The following RNLS variants were observed in gnomAD, a reference collection of about 807,000 sequenced individuals.
RNLS encodes renalase, FAD dependent amine oxidase.
A neutral mutation model predicts 39.8 loss-of-function variants in RNLS; 39 were observed. The ratio of observed to expected loss-of-function variants is 0.98; its 90% CI spans 0.76 to 1.28. The LOEUF is 1.28. Among genes scored for constraint, RNLS ranks in the 50% most tolerant of loss-of-function variants. The pLI is 0.00. For synonymous variants in RNLS, 147 were observed against 150.7 expected (o/e 0.98, Z 0.18); for missense variants, 410 against 413.3 (o/e 0.99, Z 0.07).
At chr10:88,543,625 A>T (rs1848154953) in intron 4 of RNLS, among the ~76,000 whole-genome samples, 1 of 152,150 alleles carries the variant, frequency 6.6e-6, no homozygotes. Context: ...ATTTAACAGA[A>T]ACAATCCATT....
At chr10:88,444,387 A>T (rs1841918348) in intron 4 of RNLS, among the ~76,000 whole-genome samples, 1 of 152,210 alleles carries the variant, frequency 6.6e-6, no homozygotes, top group South Asian at 2.1e-4. Flanking sequence ...AGAGCAGAAA[A>T]GCTGAAAATT....
At chr10:88,577,192 G>A (rs1850259445) in intron 3 of RNLS, among the ~76,000 whole-genome samples, 2 of 152,234 alleles carry the variant, frequency 1.3e-5, no homozygotes, top group South Asian at 2.1e-4. Context: ...AGGGAAACTA[G>A]GGGCACAGGG....
chr10:88,208,187 C>T, the RNLS span, among the ~76,000 whole-genome samples: 1 of 152,106 alleles, frequency 6.6e-6, no homozygotes, highest in Non-Finnish European at 1.5e-5. Flanking sequence ...GTTTCTCCTT[C>T]CATCTTCAGG....
chr10:88,582,905 T>A (rs1850710837), intron 1 of RNLS, among the ~76,000 whole-genome samples, 168 bp downstream of exon 1: 1 of 152,078 alleles, frequency 6.6e-6, no homozygotes, highest in African/African-American at 2.4e-5. Flanking sequence ...AAGTCCCCGA[T>A]CACGTGACGA....
At chr10:88,573,529 T>G (rs1342304579) in intron 3 of RNLS, among the ~76,000 whole-genome samples, 1 of 152,192 alleles carries the variant, frequency 6.6e-6, no homozygotes, top group Non-Finnish European at 1.5e-5. Flanking sequence ...AAGAGCAATA[T>G]TCTCTATTAA....
At chr10:88,570,794 G>A (rs182431612) in intron 4 of RNLS, among the ~76,000 whole-genome samples, 1 of 152,210 alleles carries the variant, frequency 6.6e-6, no homozygotes, top group Admixed American at 6.5e-5. Flanking sequence ...TTGTTCCACG[G>A]GGTTGGGGAA....
the RNLS span, among the ~76,000 whole-genome samples, chr10:88,217,989 G>A: frequency 3.3e-5 from 5 of 152,072 alleles, no homozygotes; most frequent in East Asian, 1.9e-4. Context: ...GCAGTGAGCC[G>A]AGATCACGCC....
At chr10:88,412,530 A>T (rs949464372) in intron 4 of RNLS, among the ~76,000 whole-genome samples, 3 of 152,164 alleles carry the variant, frequency 2.0e-5, no homozygotes, top group African/African-American at 7.2e-5. Context: ...TGGAGTTTTA[A>T]TAAAGTTAGA....
chr10:88,524,949 GCACACACATA>G (rs1846997465), intron 4 of RNLS, among the ~76,000 whole-genome samples: 1 of 49,660 alleles, frequency 2.0e-5, no homozygotes, highest in Non-Finnish European at 3.7e-5. Flanking sequence ...TATATATATG[GCACACACATA>G]CATATATATA....
chr10:88,195,640 C>G, the RNLS span, among the ~76,000 whole-genome samples: 2 of 152,180 alleles, frequency 1.3e-5, no homozygotes, highest in Non-Finnish European at 2.9e-5. Flanking sequence ...CCAGATGCCA[C>G]ACAGACCCCA....
At chr10:88,266,264 T>A in the RNLS span, among the ~76,000 whole-genome samples, 2 of 152,158 alleles carry the variant, frequency 1.3e-5, no homozygotes, top group Non-Finnish European at 2.9e-5. Context: ...AGAAGATGAA[T>A]GCTGGATTTA....
At position 88,411,876 on chromosome 10, in the gene RNLS, T is replaced by C. The variant is rs545912562; in HGVS notation, c.527-49151A>G. Among the ~76,000 whole-genome samples, 32 of 137,084 alleles carry C rather than the reference T, an allele frequency of 2.3e-4. No individual in the cohort carries two copies. In the South Asian group the frequency reaches 6.6e-3, roughly 28 times the overall value. The allele number at this position is 137,084 out of a possible 152,430, so 89.9% of individuals were successfully genotyped here. Reference sequence around the variant, plus strand: ...AAGAGTGTTCCAAGTAGAACATGAGTCACATGCGATGACATGGAGCTGTGT... The same window carrying C: ...AAGAGTGTTCCAAGTAGAACATGAGCCACATGCGATGACATGGAGCTGTGT... On this transcript the variant is annotated intron_variant, in intron 4 of 6. Coordinates refer to ENST00000331772, the MANE Select transcript of RNLS (RefSeq NM_001031709.3).
At chr10:88,483,761 A>G (rs1481018898) in intron 4 of RNLS, among the ~76,000 whole-genome samples, 1 of 152,048 alleles carries the variant, frequency 6.6e-6, no homozygotes, top group Non-Finnish European at 1.5e-5. Context: ...CTCATACCAC[A>G]TATTTTGTAT....
chr10:88,391,207 T>C (rs986333885), intron 4 of RNLS, among the ~76,000 whole-genome samples: 1 of 152,208 alleles, frequency 6.6e-6, no homozygotes, highest in South Asian at 2.1e-4. Context: ...ATTATTATTA[T>C]GATATTCCTT....
intron 6 of RNLS, among the ~76,000 whole-genome samples, chr10:88,295,189 A>G (rs572021221): frequency 2.6e-5 from 4 of 152,212 alleles, no homozygotes; most frequent in African/African-American, 9.6e-5. Context: ...CATACACTGA[A>G]TCTTATTACA....
the RNLS span, among the ~76,000 whole-genome samples, chr10:88,197,568 T>C: frequency 1.3e-5 from 2 of 152,218 alleles, no homozygotes; most frequent in Non-Finnish European, 2.9e-5. Flanking sequence ...TCTAACTAGA[T>C]TCAAACACTA....
intron 4 of RNLS, among the ~76,000 whole-genome samples, chr10:88,471,758 T>C (rs1843541604): frequency 6.6e-6 from 1 of 152,078 alleles, no homozygotes; most frequent in Admixed American, 6.6e-5. Flanking sequence ...GTTTTTGTGG[T>C]CCCCTCCCCA....
intron 5 of RNLS, among the ~76,000 whole-genome samples, chr10:88,334,511 T>C (rs1182305886): frequency 6.6e-6 from 1 of 152,152 alleles, no homozygotes; most frequent in Non-Finnish European, 1.5e-5. Context: ...CTCACTTCAT[T>C]TGAAAGGATT....
chr10:88,422,144 AAAACAGTTACTT>A (rs1282870041), intron 4 of RNLS, among the ~76,000 whole-genome samples: 4 of 152,204 alleles, frequency 2.6e-5, no homozygotes, highest in Admixed American at 2.6e-4. Context: ...TGCTCTGTTT[AAAACAGTTACTT>A]AAACATTAAA....
Sources: gnomAD v4.1 joint callset for allele counts (sites outside exome capture counted in the v4.1 genomes callset) on GRCh38, gnomAD v4.1.1 for gene constraint, MANE v1.5 for transcripts, NCBI Gene and HGNC (gene_info 2026-07-23, HGNC 2026-07-21) for gene names.